KCNB2: variants seen among roughly 807,000 people sequenced by gnomAD.
KCNB2 encodes the protein potassium voltage-gated channel subfamily B member 2.
KCNB2 carries 15 observed loss-of-function variants against 61.5 expected under a neutral mutation model. The observed-to-expected ratio is 0.24, with a 90% CI of 0.16 to 0.38. The LOEUF (loss-of-function observed/expected upper bound fraction) is 0.38, where lower values mean the gene tolerates loss of function less well. KCNB2 is among the 10% of genes least tolerant of loss of function. KCNB2 has a pLI of 1.00. For missense variants in KCNB2, 828 were observed against 1,125.2 expected, an observed-to-expected ratio of 0.74 and a Z score of 3.78; for synonymous variants, 457 against 446.0, an observed-to-expected ratio of 1.02 and a Z score of -0.31.
intron 2 of KCNB2, among the ~76,000 whole-genome samples, chr8:72,708,864 G>A (rs1303584506): frequency 6.6e-6 from 1 of 152,126 alleles, no homozygotes; most frequent in Non-Finnish European, 1.5e-5. Flanking sequence ...CTGGCATAAG[G>A]TTATTCTTAT....
intron 2 of KCNB2, among the ~76,000 whole-genome samples, chr8:72,704,906 A>G (rs1209133407): frequency 1.3e-5 from 2 of 152,194 alleles, no homozygotes; most frequent in Admixed American, 1.3e-4. Flanking sequence ...AATACCTAAT[A>G]CAATGTAAAT....
intron 2 of KCNB2, among the ~76,000 whole-genome samples, chr8:72,874,137 G>A (rs188873235): frequency 3.9e-4 from 60 of 152,216 alleles, no homozygotes; most frequent in African/African-American, 1.4e-3. Flanking sequence ...CGTATCAGTT[G>A]GAGACTATTC....
intron 2 of KCNB2, among the ~76,000 whole-genome samples, chr8:72,717,906 C>T (rs1451936822): frequency 2.0e-5 from 3 of 152,064 alleles, no homozygotes; most frequent in Non-Finnish European, 4.4e-5. Context: ...ATTTTTGCAA[C>T]CTCCTCATCT....
chr8:72,808,965 T>C (rs1304880786), intron 2 of KCNB2, among the ~76,000 whole-genome samples: 1 of 152,208 alleles, frequency 6.6e-6, no homozygotes, highest in Non-Finnish European at 1.5e-5. Context: ...AGTTCATTAC[T>C]CTTTGCACCC....
At chr8:72,600,832 T>C (rs1487386507) in intron 2 of KCNB2, among the ~76,000 whole-genome samples, 2 of 151,952 alleles carry the variant, frequency 1.3e-5, no homozygotes, top group Non-Finnish European at 2.9e-5. Flanking sequence ...TACTAGGGCC[T>C]ACCAGTAGGG....
chr8:72,702,987 T>C (rs1012616579), intron 2 of KCNB2, among the ~76,000 whole-genome samples: 6 of 152,188 alleles, frequency 3.9e-5, no homozygotes, highest in African/African-American at 1.2e-4. Flanking sequence ...CAAGGAGCAT[T>C]AAGGGACCAC....
At chr8:72,932,799 C>G (rs1435448617) in intron 2 of KCNB2, among the ~76,000 whole-genome samples, 1 of 152,058 alleles carries the variant, frequency 6.6e-6, no homozygotes, top group Non-Finnish European at 1.5e-5. Flanking sequence ...TGAAGTGCAT[C>G]CTCAAGCTTA....
intron 2 of KCNB2, among the ~76,000 whole-genome samples, chr8:72,774,967 T>C (rs1054618709): frequency 3.9e-5 from 6 of 152,236 alleles, no homozygotes; most frequent in East Asian, 1.9e-4. Context: ...CCATTAACAA[T>C]TGGCCAGGTA....
At chr8:72,544,912 T>G (rs901072264) in intron 1 of KCNB2, among the ~76,000 whole-genome samples, 1 of 152,164 alleles carries the variant, frequency 6.6e-6, no homozygotes, top group East Asian at 1.9e-4. Context: ...CACACCTGGC[T>G]TCCATTCACA....
At chr8:72,600,385 T>C (rs1181120412) in intron 2 of KCNB2, among the ~76,000 whole-genome samples, 2 of 151,826 alleles carry the variant, frequency 1.3e-5, no homozygotes, top group Non-Finnish European at 2.9e-5. Flanking sequence ...TAGGTGGGAA[T>C]TGAACAATGA....
At chr8:72,933,995 T>G (rs1260477719) in intron 2 of KCNB2, among the ~76,000 whole-genome samples, 1 of 152,156 alleles carries the variant, frequency 6.6e-6, no homozygotes, top group Admixed American at 6.6e-5. Flanking sequence ...AAATCTTTAT[T>G]TACTCTACAA....
chr8:72,648,072 A>G (rs1309684921), intron 2 of KCNB2, among the ~76,000 whole-genome samples: 1 of 152,132 alleles, frequency 6.6e-6, no homozygotes, highest in Non-Finnish European at 1.5e-5. Context: ...CGAGAGCTCA[A>G]AAGGGGGCTG....
chr8:72,706,216 CCT>C (rs1043553247), intron 2 of KCNB2, among the ~76,000 whole-genome samples: 11 of 152,172 alleles, frequency 7.2e-5, no homozygotes, highest in African/African-American at 2.7e-4. Flanking sequence ...ATCCTTCCCT[CCT>C]CTCACTAAAC....
intron 2 of KCNB2, among the ~76,000 whole-genome samples, chr8:72,807,807 G>T (rs1157460415): frequency 6.6e-6 from 1 of 152,122 alleles, no homozygotes; most frequent in Non-Finnish European, 1.5e-5. Context: ...ATAAATGAAA[G>T]AAAGAAATGT....
At chr8:72,703,201 C>T (rs1807163663) in intron 2 of KCNB2, among the ~76,000 whole-genome samples, 2 of 152,164 alleles carry the variant, frequency 1.3e-5, no homozygotes, top group African/African-American at 2.4e-5. Flanking sequence ...AATTGGGAGG[C>T]AGGAGTTTAA....
At chr8:72,654,142 TAAGGG>T (rs1182692014) in intron 2 of KCNB2, among the ~76,000 whole-genome samples, 1 of 152,136 alleles carries the variant, frequency 6.6e-6, no homozygotes, top group Admixed American at 6.6e-5. Context: ...ACCCAACTAG[TAAGGG>T]GCAAAGCCAG....
At chr8:72,664,818 A>T (rs182318674) in intron 2 of KCNB2, among the ~76,000 whole-genome samples, 3 of 152,332 alleles carry the variant, frequency 2.0e-5, no homozygotes, top group African/African-American at 7.2e-5. Context: ...AATGCATGAG[A>T]CTAGTTTGGA....
chr8:72,589,796 T>A (rs1364907461), intron 2 of KCNB2, among the ~76,000 whole-genome samples: 1 of 152,246 alleles, frequency 6.6e-6, no homozygotes, highest in Non-Finnish European at 1.5e-5. Context: ...ACACTGCTCA[T>A]GTTGTCTGAA....
intron 2 of KCNB2, among the ~76,000 whole-genome samples, chr8:72,929,346 A>G (rs1452822247): frequency 6.6e-6 from 1 of 152,160 alleles, no homozygotes; most frequent in Non-Finnish European, 1.5e-5. Context: ...TACTAATGCG[A>G]GTGCTGGGAG....
Sources: allele counts gnomAD v4.1 joint callset (sites outside exome capture counted in the v4.1 genomes callset), GRCh38; gene constraint gnomAD v4.1.1; transcripts MANE v1.5; gene names NCBI Gene and HGNC (gene_info 2026-07-23, HGNC 2026-07-21).